Variants in KCNAB1 observed in about 807,000 individuals in gnomAD.
KCNAB1 encodes potassium voltage-gated channel subfamily A regulatory beta subunit 1.
KCNAB1 carries 35 observed loss-of-function variants against 64.6 expected under a neutral mutation model. The observed-to-expected ratio is 0.54, with a 90% CI of 0.41 to 0.72. The LOEUF (loss-of-function observed/expected upper bound fraction) is 0.72. Ranked by LOEUF, KCNAB1 falls within the 30% of genes least tolerant of loss-of-function variation. KCNAB1 has a pLI of 0.00. For missense variants in KCNAB1, 401 were observed against 512.9 expected (o/e 0.78, Z 2.11); for synonymous variants, 177 against 183.8 (o/e 0.96, Z 0.30).
intron 1 of KCNAB1, among the ~76,000 whole-genome samples, chr3:156,300,620 GA>G (rs1359118497): frequency 5.9e-5 from 9 of 151,426 alleles, no homozygotes; most frequent in South Asian, 4.2e-4. Flanking sequence ...GTTTTAGAAG[GA>G]AAAAAAATGT....
chr3:156,273,415 C>G, intron 1 of KCNAB1: 1 of 325,940 alleles, frequency 3.1e-6, no homozygotes, highest in South Asian at 2.4e-5. Context: ...GGTAATTCCC[C>G]TCTGGCTAGG....
At chr3:156,477,256 CAG>C (rs1714434405) in intron 8 of KCNAB1, among the ~76,000 whole-genome samples, 1 of 152,238 alleles carries the variant, frequency 6.6e-6, no homozygotes, top group Non-Finnish European at 1.5e-5. Context: ...TTATGGGAAT[CAG>C]AGAAAATTTA....
intron 7 of KCNAB1, among the ~76,000 whole-genome samples, chr3:156,469,122 A>G (rs957963709): frequency 6.6e-6 from 1 of 152,208 alleles, no homozygotes; most frequent in Non-Finnish European, 1.5e-5. Flanking sequence ...TTAGCAAAGA[A>G]ATATAAAATC....
chr3:156,444,828 C>A (rs1296439293), intron 2 of KCNAB1, among the ~76,000 whole-genome samples: 1 of 152,188 alleles, frequency 6.6e-6, no homozygotes, highest in African/African-American at 2.4e-5. Flanking sequence ...AATAACAGTG[C>A]CCTCTCTACA....
In KCNAB1 at chr3:156,306,540, C is replaced by T. The variant is rs568763176; in HGVS notation, c.276-115076C>T. Reference sequence around the variant, plus strand: ...TAGCTTATGTAGTATTCTGCAAATACGTCCTTATTTGCAGAAAGTGTGTTT... The same window carrying T: ...TAGCTTATGTAGTATTCTGCAAATATGTCCTTATTTGCAGAAAGTGTGTTT... On this transcript the variant is annotated intron_variant, in intron 1 of 13. Coordinates refer to ENST00000490337, the MANE Select transcript of KCNAB1 (RefSeq NM_172160.3). Among the ~76,000 whole-genome samples, 7 of 152,334 alleles carry T rather than the reference C, an allele frequency of 4.6e-5. No homozygotes were observed. The South Asian group carries it at 6.2e-4, about 14-fold the overall frequency.
chr3:156,342,817 G>GA (rs1724233888), intron 1 of KCNAB1, among the ~76,000 whole-genome samples: 1 of 151,816 alleles, frequency 6.6e-6, no homozygotes, highest in Non-Finnish European at 1.5e-5. Flanking sequence ...CCTGACTGGG[G>GA]ATCTTCAAGA....
At chr3:156,252,175 T>C (rs1295873215) in intron 1 of KCNAB1, among the ~76,000 whole-genome samples, 1 of 152,214 alleles carries the variant, frequency 6.6e-6, no homozygotes, top group Non-Finnish European at 1.5e-5. Flanking sequence ...CATTGGGATA[T>C]TGCCTTGGCA....
intron 8 of KCNAB1, among the ~76,000 whole-genome samples, chr3:156,506,715 T>C (rs1297452802): frequency 6.6e-6 from 1 of 152,210 alleles, no homozygotes; most frequent in African/African-American, 2.4e-5. Flanking sequence ...GAATCTGTTC[T>C]GTTCTGATTC....
intron 1 of KCNAB1, among the ~76,000 whole-genome samples, chr3:156,259,146 C>T (rs1046138561): frequency 6.6e-6 from 1 of 152,190 alleles, no homozygotes; most frequent in African/African-American, 2.4e-5. Context: ...TTTCAACACC[C>T]TGGCAGCTAG....
chr3:156,519,436 T>C (rs1291976115), intron 11 of KCNAB1, among the ~76,000 whole-genome samples: 1 of 152,242 alleles, frequency 6.6e-6, no homozygotes, highest in East Asian at 1.9e-4. Flanking sequence ...CTTTTCATTC[T>C]CCTGTGGAAT....
intron 1 of KCNAB1, among the ~76,000 whole-genome samples, chr3:156,418,638 T>A (rs1229172802): frequency 6.6e-6 from 1 of 152,216 alleles, no homozygotes; most frequent in Non-Finnish European, 1.5e-5. Flanking sequence ...CTTCTCCAGC[T>A]GCAAAGTGAG....
intron 1 of KCNAB1, among the ~76,000 whole-genome samples, chr3:156,237,365 C>T (rs796785941): frequency 5.3e-5 from 8 of 151,568 alleles, no homozygotes; most frequent in African/African-American, 9.7e-5. Flanking sequence ...AGAATAGTTG[C>T]GTTTTAATTA....
intron 1 of KCNAB1, among the ~76,000 whole-genome samples, chr3:156,228,893 G>A (rs1435409024): frequency 6.6e-6 from 1 of 152,206 alleles, no homozygotes; most frequent in Non-Finnish European, 1.5e-5. Flanking sequence ...TTCTGGGCAA[G>A]CCCGCCTCTG....
chr3:156,198,759 C>T (rs992826638), intron 1 of KCNAB1, among the ~76,000 whole-genome samples: 1 of 150,394 alleles, frequency 6.6e-6, no homozygotes, highest in Non-Finnish European at 1.5e-5. Flanking sequence ...TCCAATTTGC[C>T]AGTCTGTGTC....
At chr3:156,209,599 A>ATACTTTCAGGAATCTGAAAATATCTG (rs1714889776) in intron 1 of KCNAB1, among the ~76,000 whole-genome samples, 1 of 152,244 alleles carries the variant, frequency 6.6e-6, no homozygotes, top group African/African-American at 2.4e-5. Flanking sequence ...GTTGATACAG[A>ATACTTTCAGGAATCTGAAAATATCTG]TACTTTCAGG....
At chr3:156,183,916 T>C (rs1713028224) in intron 1 of KCNAB1, among the ~76,000 whole-genome samples, 1 of 152,222 alleles carries the variant, frequency 6.6e-6, no homozygotes, top group African/African-American at 2.4e-5. Flanking sequence ...GAATACGTGA[T>C]CTTCAACAAG....
At chr3:156,224,068 T>C (rs1030552054) in intron 1 of KCNAB1, among the ~76,000 whole-genome samples, 3 of 152,090 alleles carry the variant, frequency 2.0e-5, no homozygotes, top group African/African-American at 7.2e-5. Context: ...CCCTGCCCCG[T>C]GGGGAGGCAG....
chr3:156,233,465 G>A lies in KCNAB1; in HGVS notation c.275+112579G>A, dbSNP rs55940640. ...AGCAATGAGGTGGGTGAGGCTGGAGGGAGAGGGCAGGAAGTAAGAAACAAC... is the reference window on the plus strand; with the variant it reads ...AGCAATGAGGTGGGTGAGGCTGGAGAGAGAGGGCAGGAAGTAAGAAACAAC... On this transcript the variant is annotated intron_variant, in intron 1 of 13. Transcript: ENST00000490337. Among the ~76,000 whole-genome samples, 1,197 of 152,286 alleles carry A rather than the reference G, an allele frequency of 7.9e-3. 16 individuals carry two copies. The highest frequency in any genetic ancestry group is 0.045 in the South Asian group (215 of 4,808).
chr3:156,248,330 A>G (rs898204224), intron 1 of KCNAB1, among the ~76,000 whole-genome samples: 4 of 152,160 alleles, frequency 2.6e-5, no homozygotes, highest in Non-Finnish European at 5.9e-5. Context: ...CCTAGCATTT[A>G]CAAACACAGA....
Sources: gnomAD v4.1 joint callset for allele counts (sites outside exome capture counted in the v4.1 genomes callset) on GRCh38, gnomAD v4.1.1 for gene constraint, MANE v1.5 for transcripts, NCBI Gene and HGNC (gene_info 2026-07-23, HGNC 2026-07-21) for gene names.